Variants in DYNC1I1 observed in about 807,000 individuals in gnomAD.
DYNC1I1 encodes the protein cytoplasmic dynein 1 intermediate chain 1.
A neutral mutation model predicts 86.6 loss-of-function variants in DYNC1I1; 43 were observed. That is an observed-to-expected ratio of 0.50 (90% confidence interval 0.39 to 0.64). The LOEUF (loss-of-function observed/expected upper bound fraction) is 0.64, where lower values mean the gene tolerates loss of function less well. Among genes scored for constraint, DYNC1I1 ranks in the 30% least tolerant of loss-of-function variants. The probability of loss-of-function intolerance (pLI) is 0.00; values close to 1 mark genes in which losing one functional copy is unlikely to be tolerated. For synonymous variants in DYNC1I1, 262 were observed against 283.7 expected (o/e 0.92, Z 0.77); for missense variants, 604 against 788.8 (o/e 0.77, Z 2.81).
chr7:96,085,463 A>G (rs1170901044), intron 16 of DYNC1I1, among the ~76,000 whole-genome samples: 3 of 152,116 alleles, frequency 2.0e-5, no homozygotes, highest in Non-Finnish European at 2.9e-5. Context: ...CAATGTTTTC[A>G]GGTAGGTCAC....
chr7:96,071,211 A>G (rs1584297257), intron 14 of DYNC1I1, among the ~76,000 whole-genome samples: 1 of 152,224 alleles, frequency 6.6e-6, no homozygotes, highest in East Asian at 1.9e-4. Context: ...TCACTGTGAT[A>G]TGAACTCCAC....
At chr7:96,048,286 T>C (rs1789281370) in intron 14 of DYNC1I1, among the ~76,000 whole-genome samples, 1 of 152,144 alleles carries the variant, frequency 6.6e-6, no homozygotes, top group Non-Finnish European at 1.5e-5. Flanking sequence ...CATTGTGGAA[T>C]CTCTTACAGG....
At chr7:95,954,712 G>A (rs1175289616) in intron 6 of DYNC1I1, among the ~76,000 whole-genome samples, 1 of 151,940 alleles carries the variant, frequency 6.6e-6, no homozygotes, top group Non-Finnish European at 1.5e-5. Context: ...AGGAGATTGA[G>A]ATCATCCTGG....
At chr7:95,821,893 A>AT (rs1256988852) in intron 4 of DYNC1I1, among the ~76,000 whole-genome samples, 1 of 152,232 alleles carries the variant, frequency 6.6e-6, no homozygotes, top group Non-Finnish European at 1.5e-5. Context: ...TAAATGAGAA[A>AT]TTTGTTAACT....
intron 5 of DYNC1I1, among the ~76,000 whole-genome samples, chr7:95,866,479 C>T (rs1004661620): frequency 6.6e-6 from 1 of 152,280 alleles, no homozygotes; most frequent in African/African-American, 2.4e-5. Context: ...AGAGCCAAAG[C>T]CCAACTCTGT....
At chr7:95,980,253 G>T (rs982617223) in intron 7 of DYNC1I1, among the ~76,000 whole-genome samples, 3 of 151,080 alleles carry the variant, frequency 2.0e-5, no homozygotes, top group African/African-American at 4.9e-5. Flanking sequence ...TGGCTTTTCT[G>T]CAAATTAACA....
intron 4 of DYNC1I1, 77 bp downstream of exon 4, chr7:95,813,414 G>T: frequency 6.7e-7 from 1 of 1,500,448 alleles, no homozygotes; most frequent in Non-Finnish European, 8.9e-7. Context: ...ACCACTGTTA[G>T]AATACTGTGA....
chr7:95,942,926 G>A (rs557965982), intron 6 of DYNC1I1, among the ~76,000 whole-genome samples: 8 of 145,712 alleles, frequency 5.5e-5, no homozygotes, highest in East Asian at 2.0e-4. Context: ...ATACTGAATG[G>A]GCAAAAACTG....
chr7:96,029,416 G>A (rs539020032), intron 11 of DYNC1I1, among the ~76,000 whole-genome samples: 1 of 152,238 alleles, frequency 6.6e-6, no homozygotes, highest in African/African-American at 2.4e-5. Context: ...GCCCTGTTTG[G>A]ATGGCTGGTG....
chr7:95,972,901 G>A (rs1793212070), intron 6 of DYNC1I1, among the ~76,000 whole-genome samples: 1 of 152,198 alleles, frequency 6.6e-6, no homozygotes, highest in Non-Finnish European at 1.5e-5. Context: ...CAGGAGGAAT[G>A]AATGTGGCAA....
intron 10 of DYNC1I1, among the ~76,000 whole-genome samples, chr7:96,012,370 T>C (rs1434174154): frequency 2.0e-5 from 3 of 152,194 alleles, no homozygotes; most frequent in African/African-American, 7.2e-5. Context: ...TTGTTGGTTG[T>C]TCTGTTTGAA....
intron 6 of DYNC1I1, among the ~76,000 whole-genome samples, chr7:95,915,268 C>A (rs1791440945): frequency 1.3e-5 from 2 of 152,262 alleles, no homozygotes; most frequent in African/African-American, 4.8e-5. Flanking sequence ...TTATTATCTC[C>A]AGTACAACCC....
intron 1 of DYNC1I1, among the ~76,000 whole-genome samples, chr7:95,774,216 C>G (rs1486488977): frequency 2.6e-5 from 4 of 152,150 alleles, no homozygotes; most frequent in African/African-American, 9.7e-5. Flanking sequence ...AGTTGGGGGT[C>G]GAATGCAGGC....
chr7:95,848,008 T>A (rs905303516), intron 5 of DYNC1I1, among the ~76,000 whole-genome samples: 2 of 152,184 alleles, frequency 1.3e-5, no homozygotes, highest in African/African-American at 4.8e-5. Flanking sequence ...CAAATAAAAT[T>A]GTATGTATTT....
At chr7:95,873,505 T>A (rs1424709481) in intron 6 of DYNC1I1, among the ~76,000 whole-genome samples, 17 of 152,226 alleles carry the variant, frequency 1.1e-4, no homozygotes, top group Admixed American at 9.8e-4. Flanking sequence ...ACATATACTT[T>A]GGAGTTTACC....
intron 1 of DYNC1I1, among the ~76,000 whole-genome samples, chr7:95,798,344 T>C (rs17407962): frequency 0.081 from 12,294 of 152,046 alleles, 606 homozygotes; most frequent in Non-Finnish European, 0.099. Context: ...TTTTTTTGAC[T>C]GAGCTATAGC....
chr7:96,106,545 A>G (rs1222836369), intron 16 of DYNC1I1, among the ~76,000 whole-genome samples: 1 of 152,020 alleles, frequency 6.6e-6, no homozygotes, highest in Non-Finnish European at 1.5e-5. Context: ...CAAAAAAAAG[A>G]AAAAAAAGAG....
intron 6 of DYNC1I1, among the ~76,000 whole-genome samples, chr7:95,905,743 A>G (rs565227023): frequency 1.7e-4 from 25 of 151,174 alleles, no homozygotes; most frequent in Non-Finnish European, 3.2e-4. Context: ...TCCTGTCAAC[A>G]CTGTGAGCAG....
chr7:95,925,142 A>G (rs1211077181), intron 6 of DYNC1I1, among the ~76,000 whole-genome samples: 1 of 152,154 alleles, frequency 6.6e-6, no homozygotes, highest in Non-Finnish European at 1.5e-5. Context: ...AAACTCGTTC[A>G]TTACCATTAG....
Sources: allele counts gnomAD v4.1 joint callset (sites outside exome capture counted in the v4.1 genomes callset), GRCh38; gene constraint gnomAD v4.1.1; transcripts MANE v1.5; gene names NCBI Gene and HGNC (gene_info 2026-07-23, HGNC 2026-07-21).